The following ADARB2 variants were observed in gnomAD, a reference collection of about 807,000 sequenced individuals.
ADARB2 encodes adenosine deaminase RNA specific B2 (inactive).
In ADARB2, 25 loss-of-function variants were observed where a neutral mutation model predicts 62.2. The ratio of observed to expected loss-of-function variants is 0.40; its 90% CI spans 0.29 to 0.56. The LOEUF is 0.56. ADARB2 is among the 20% of genes least tolerant of loss of function. The pLI is 0.43. For missense variants in ADARB2, 1,071 were observed against 1,077.4 expected, an observed-to-expected ratio of 0.99 and a Z score of 0.08; for synonymous variants, 572 against 500.8, an observed-to-expected ratio of 1.14 and a Z score of -1.90.
At chr10:1,529,183 G>A (rs1832188082) in intron 1 of ADARB2, among the ~76,000 whole-genome samples, 1 of 134,102 alleles carries the variant, frequency 7.5e-6, no homozygotes, top group Admixed American at 7.7e-5. Flanking sequence ...ATCAGTCCAC[G>A]CACCATGCCC....
chr10:1,416,809 A>G (rs1413373427), intron 1 of ADARB2, among the ~76,000 whole-genome samples: 1 of 152,246 alleles, frequency 6.6e-6, no homozygotes, highest in African/African-American at 2.4e-5. Flanking sequence ...GTGAAACCCC[A>G]TTAGGTCAGC....
intron 4 of ADARB2, among the ~76,000 whole-genome samples, chr10:1,258,659 A>G (rs1198938048): frequency 6.6e-6 from 1 of 152,236 alleles, no homozygotes; most frequent in African/African-American, 2.4e-5. Context: ...GCAAATCCTT[A>G]GTGACCTACA....
intron 3 of ADARB2, among the ~76,000 whole-genome samples, chr10:1,276,097 G>A (rs1831313794): frequency 1.3e-5 from 2 of 152,054 alleles, no homozygotes; most frequent in South Asian, 2.1e-4. Flanking sequence ...CTTCCACAAT[G>A]GTTGAACTAG....
intron 1 of ADARB2, among the ~76,000 whole-genome samples, chr10:1,698,298 T>G (rs1834774048): frequency 6.6e-6 from 1 of 152,188 alleles, no homozygotes; most frequent in African/African-American, 2.4e-5. Flanking sequence ...ACACGGAACA[T>G]TGCCACCCGT....
At position 1,477,724 on chromosome 10, in the gene ADARB2, C is replaced by T. The variant is rs1831421077; in HGVS notation, c.101-98564G>A. On this transcript the variant is annotated intron_variant, in intron 1 of 9. Coordinates refer to ENST00000381312, the MANE Select transcript of ADARB2 (RefSeq NM_018702.4). This position sits in a 1 kb window ranked among gnomAD's most constrained non-coding sequence, Gnocchi z 4.5. The stretch of plus-strand genomic sequence containing the variant: ...GGGGTGCTTAATTTTCAGAGAATGC[C>T]TTCGTGACTATTTCCCTTAGACATA... Among the ~76,000 whole-genome samples, 1 of 152,214 alleles carries T rather than the reference C, an allele frequency of 6.6e-6. No individual in the cohort carries two copies. Among genetic ancestry groups the T allele is most frequent in the South Asian group, 2.1e-4 (1 of 4,832 alleles).
chr10:1,485,158 G>T (rs975636345), intron 1 of ADARB2, among the ~76,000 whole-genome samples: 42 of 152,146 alleles, frequency 2.8e-4, no homozygotes, highest in African/African-American at 9.9e-4. Context: ...AGGTGCATTT[G>T]TAGGTAGCTA....
chr10:1,326,966 G>T (rs376093761), intron 3 of ADARB2, among the ~76,000 whole-genome samples: 148 of 13,008 alleles, frequency 0.011, 1 homozygote, highest in South Asian at 0.018. Context: ...GCCTCCCCAC[G>T]GCCCAGCGCC....
intron 1 of ADARB2, among the ~76,000 whole-genome samples, chr10:1,481,110 T>C (rs1296009176): frequency 2.0e-5 from 3 of 152,236 alleles, no homozygotes; most frequent in Non-Finnish European, 2.9e-5. Context: ...GGTGTTAGCA[T>C]ACCACACACA....
chr10:1,657,268 G>C (rs1834183423), intron 1 of ADARB2, among the ~76,000 whole-genome samples: 1 of 152,188 alleles, frequency 6.6e-6, no homozygotes, highest in African/African-American at 2.4e-5. Flanking sequence ...CTCAACTTCA[G>C]TACGTTGCTT....
At chr10:1,326,822 G>A (rs112993791) in intron 3 of ADARB2, among the ~76,000 whole-genome samples, 2 of 52,168 alleles carry the variant, frequency 3.8e-5, no homozygotes, top group African/African-American at 7.6e-5. Context: ...GCCTCCCCAC[G>A]GCCCAGCGCC....
rs183975602 is a variant in ADARB2 at position 1,210,408 on chromosome 10, G to A, written c.1682+6543C>T. On this transcript the variant is annotated intron_variant, in intron 7 of 9. Coordinates refer to ENST00000381312, the MANE Select transcript of ADARB2 (RefSeq NM_018702.4). ...GAAGCAAATATGACCACGGGTTCCC[G>A]GCCTCGTGTGGGATGAGACTCGTGC... is the stretch of plus-strand genomic sequence containing the variant. Among the ~76,000 whole-genome samples, 136 of 152,256 alleles carry A rather than the reference G, an allele frequency of 8.9e-4. 1 individual carries two copies. The highest frequency in any genetic ancestry group is 3.1e-3 in the African/African-American group (130 of 41,520).
intron 2 of ADARB2, among the ~76,000 whole-genome samples, chr10:1,375,982 C>T (rs2805506): frequency 0.93 from 140,070 of 151,184 alleles, 65,812 homozygotes; most frequent in Non-Finnish European, 1. Context: ...TGCACACACA[C>T]GCACACACAC....
At chr10:1,191,347 C>T (rs12266914) in intron 8 of ADARB2, among the ~76,000 whole-genome samples, 81,262 of 152,086 alleles carry the variant, frequency 0.53, 23,236 homozygotes, top group Middle Eastern at 0.72. Flanking sequence ...CCGGCACGTG[C>T]ACCTGCTGAG....
chr10:1,589,834 C>T (rs72764995), intron 1 of ADARB2, among the ~76,000 whole-genome samples: 41,052 of 152,098 alleles, frequency 0.27, 5,856 homozygotes, highest in Non-Finnish European at 0.33. Flanking sequence ...CCACCATACC[C>T]GGCTAATTTT....
rs141550808 is a variant in ADARB2, at chr10:1,514,616, G to C, written c.101-135456C>G. Among the ~76,000 whole-genome samples, 241 of 151,968 alleles carry C rather than the reference G, an allele frequency of 1.6e-3. 2 individuals are homozygous for C. Among genetic ancestry groups the C allele is most frequent in the African/African-American group, 5.8e-3 (239 of 41,458 alleles). On this transcript the variant is annotated intron_variant, in intron 1 of 9. Coordinates refer to ENST00000381312, the MANE Select transcript of ADARB2 (RefSeq NM_018702.4). ...CGGCCCCTGGCCTCCTATGGCCTTG[G>C]AGTGCTTGAAATGTGGCTGCCGAGA...
intron 1 of ADARB2, among the ~76,000 whole-genome samples, chr10:1,466,979 C>T (rs143333453): frequency 2.6e-5 from 4 of 152,162 alleles, no homozygotes; most frequent in African/African-American, 4.8e-5. Flanking sequence ...GGATTCAGGG[C>T]GCCATTCTGA....
At chr10:1,682,061 G>C (rs1194681783) in intron 1 of ADARB2, among the ~76,000 whole-genome samples, 1 of 152,178 alleles carries the variant, frequency 6.6e-6, no homozygotes, top group Non-Finnish European at 1.5e-5. Context: ...CTGGGTGCTG[G>C]CACAAAGAGA....
chr10:1,552,232 A>G (rs867206188), intron 1 of ADARB2, among the ~76,000 whole-genome samples: 1 of 152,188 alleles, frequency 6.6e-6, no homozygotes, highest in African/African-American at 2.4e-5. Flanking sequence ...TTTGCAGCTC[A>G]TGGACTGCAC....
chr10:1,567,666 C>T (rs1832875245), intron 1 of ADARB2, among the ~76,000 whole-genome samples: 1 of 152,236 alleles, frequency 6.6e-6, no homozygotes, highest in Non-Finnish European at 1.5e-5. Context: ...ACAGCCCTAC[C>T]AGGGCACTGC....
Sources: gnomAD v4.1 joint callset for allele counts (sites outside exome capture counted in the v4.1 genomes callset) on GRCh38, gnomAD v4.1.1 for gene constraint, Gnocchi (gnomAD v3.1) non-coding constraint, MANE v1.5 for transcripts, NCBI Gene and HGNC (gene_info 2026-07-23, HGNC 2026-07-21) for gene names.